The following PIK3CB variants were observed in gnomAD, a reference collection of about 807,000 sequenced individuals.
PIK3CB encodes the protein phosphatidylinositol 4,5-bisphosphate 3-kinase catalytic subunit beta isoform.
A neutral mutation model predicts 136.8 loss-of-function variants in PIK3CB; 39 were observed. The observed-to-expected ratio is 0.29, with a 90% confidence interval of 0.22 to 0.37. The LOEUF (loss-of-function observed/expected upper bound fraction) is 0.37. Ranked by LOEUF, PIK3CB falls within the 10% of genes least tolerant of loss-of-function variation. PIK3CB has a pLI of 1.00. For missense variants in PIK3CB, 868 were observed against 1,275.4 expected, an observed-to-expected ratio of 0.68 and a Z score of 4.87; for synonymous variants, 428 against 436.6, an observed-to-expected ratio of 0.98 and a Z score of 0.25.
At chr3:138,677,619 G>A (rs1037934576) in intron 19 of PIK3CB, among the ~76,000 whole-genome samples, 1 of 152,222 alleles carries the variant, frequency 6.6e-6, no homozygotes, top group Admixed American at 6.5e-5. Flanking sequence ...AAATCTGGCT[G>A]GGCGCGGTGA....
intron 21 of PIK3CB, among the ~76,000 whole-genome samples, chr3:138,659,518 GAA>G (rs113125507): frequency 7.6e-6 from 1 of 131,738 alleles, no homozygotes. Flanking sequence ...CTCCATCTCA[GAA>G]AAAAAAAAAA....
At chr3:138,692,550 G>A (rs1321882162) in intron 14 of PIK3CB, among the ~76,000 whole-genome samples, 1 of 152,062 alleles carries the variant, frequency 6.6e-6, no homozygotes, top group Non-Finnish European at 1.5e-5. Flanking sequence ...TAAAATTCAT[G>A]CCCACTATAT....
At chr3:138,744,941 T>C (rs183273857) in intron 4 of PIK3CB, among the ~76,000 whole-genome samples, 152 of 152,356 alleles carry the variant, frequency 1.0e-3, no homozygotes, top group African/African-American at 3.6e-3. Context: ...TCACCACCAC[T>C]GCTGCCTTTT....
chr3:138,748,511 C>G (rs2045407775), intron 4 of PIK3CB, among the ~76,000 whole-genome samples: 3 of 152,214 alleles, frequency 2.0e-5, no homozygotes, highest in African/African-American at 7.2e-5. Flanking sequence ...TTCTACAAAC[C>G]TATGGATATA....
chr3:138,737,099 G>A (rs999099786), intron 6 of PIK3CB, among the ~76,000 whole-genome samples: 5 of 151,876 alleles, frequency 3.3e-5, no homozygotes, highest in Non-Finnish European at 7.4e-5. Flanking sequence ...AATCAAAACA[G>A]CCGAATGAGC....
At chr3:138,811,473 T>G (rs1012840476) in intron 1 of PIK3CB, among the ~76,000 whole-genome samples, 1 of 150,872 alleles carries the variant, frequency 6.6e-6, no homozygotes, top group Non-Finnish European at 1.5e-5. Flanking sequence ...ATGCCTAGGC[T>G]GGAGTGCAAT....
chr3:138,697,424 T>G (rs949872513), intron 13 of PIK3CB, among the ~76,000 whole-genome samples: 23 of 150,824 alleles, frequency 1.5e-4, no homozygotes, highest in Non-Finnish European at 1.9e-4. Flanking sequence ...CTCCAAAGAT[T>G]TATTTATTTA....
At chr3:138,829,908 C>T (rs1933948346) in intron 1 of PIK3CB, among the ~76,000 whole-genome samples, 1 of 152,068 alleles carries the variant, frequency 6.6e-6, no homozygotes, top group African/African-American at 2.4e-5. Flanking sequence ...TGTAGGCAGG[C>T]AGAAGACTGA....
At chr3:138,674,141 A>ATTTC (rs2043597372) in intron 19 of PIK3CB, among the ~76,000 whole-genome samples, 1 of 151,746 alleles carries the variant, frequency 6.6e-6, no homozygotes, top group African/African-American at 2.4e-5. Context: ...GTGCACTGAA[A>ATTTC]AGCTCCAAAA....
chr3:138,831,261 T>TAAATAAAATAAAATAAAATA (rs34817349), intron 1 of PIK3CB, among the ~76,000 whole-genome samples: 460 of 145,490 alleles, frequency 3.2e-3, no homozygotes, highest in Non-Finnish European at 4.9e-3. Context: ...CCGTCTCAAA[T>TAAATAAAATAAAATAAAATA]AAATAAAATA....
intron 19 of PIK3CB, among the ~76,000 whole-genome samples, chr3:138,677,058 ATT>A (rs5852918): frequency 2.1e-5 from 3 of 143,570 alleles, no homozygotes; most frequent in Non-Finnish European, 3.0e-5. Context: ...ATTATGCAAG[ATT>A]TTTTTTTTTT....
At chr3:138,820,195 C>A (rs905472339) in intron 1 of PIK3CB, among the ~76,000 whole-genome samples, 1 of 152,036 alleles carries the variant, frequency 6.6e-6, no homozygotes, top group African/African-American at 2.4e-5. Context: ...GCTAATATAT[C>A]CCCCAATAAT....
chr3:138,782,124 T>C (rs980889805), intron 2 of PIK3CB, among the ~76,000 whole-genome samples: 1 of 152,232 alleles, frequency 6.6e-6, no homozygotes, highest in African/African-American at 2.4e-5. Flanking sequence ...TTAAACAAGT[T>C]ATATTTCAAA....
chr3:138,748,156 T>C (rs1196862413), intron 4 of PIK3CB, among the ~76,000 whole-genome samples: 2 of 142,892 alleles, frequency 1.4e-5, no homozygotes, highest in South Asian at 2.3e-4. Flanking sequence ...TTAGAAATCA[T>C]ACACACACAC....
chr3:138,731,114 C>G (rs2108633126), intron 8 of PIK3CB, among the ~76,000 whole-genome samples: 1 of 152,284 alleles, frequency 6.6e-6, no homozygotes, highest in African/African-American at 2.4e-5. Context: ...ACCAAAACCC[C>G]TTTAATTCCA....
rs934538393 is a variant in PIK3CB, at chr3:138,755,961, G to A, written c.190C>T (p.His64Tyr). ...YIKQMLWKQV[H>Y]NYPMFNLLMD... The stretch of plus-strand genomic sequence containing the variant: ...AGGAGGTTGAACATTGGGTAATTGT[G>A]AACTTGCTTCCATAACATCTATGAG... The change falls in exon 4 of 24, where the codon CAC becomes TAC. Residue 64 changes from histidine (H) to tyrosine (Y), a missense_variant. Physicochemically the swap from His to Tyr is moderately conservative, Grantham distance 83. Around this residue, in one of 4 missense-constraint regions of PIK3CB, gnomAD observed 612 missense variants for 801.1 expected, o/e 0.76. Transcript: ENST00000674063. The A allele has an allele frequency of 6.3e-7, 1 of 1,599,658 alleles. No homozygotes were observed. Among genetic ancestry groups the A allele is most frequent in the Non-Finnish European group, 8.5e-7 (1 of 1,169,696 alleles).
At chr3:138,831,685 G>T (rs906090998) in intron 1 of PIK3CB, among the ~76,000 whole-genome samples, 4 of 152,222 alleles carry the variant, frequency 2.6e-5, no homozygotes, top group Non-Finnish European at 5.9e-5. Flanking sequence ...CCAGCACTTT[G>T]GGAGGCCAAG....
chr3:138,676,589 G>A (rs992461434), intron 19 of PIK3CB, among the ~76,000 whole-genome samples: 1 of 152,154 alleles, frequency 6.6e-6, no homozygotes, highest in African/African-American at 2.4e-5. Flanking sequence ...GCAAAATAGT[G>A]AAACCAACCA....
chr3:138,674,348 G>C (rs978626261), intron 19 of PIK3CB, among the ~76,000 whole-genome samples: 1 of 152,080 alleles, frequency 6.6e-6, no homozygotes, highest in African/African-American at 2.4e-5. Context: ...GACCCAACAT[G>C]TGCATAAAGT....
Sources: gnomAD v4.1 joint callset for allele counts (sites outside exome capture counted in the v4.1 genomes callset) on GRCh38, gnomAD v4.1.1 for gene constraint, gnomAD v4.1.1 regional missense constraint, MANE v1.5 for transcripts, NCBI Gene and HGNC (gene_info 2026-07-23, HGNC 2026-07-21) for gene names.